GALNT6: variants seen among roughly 807,000 people sequenced by gnomAD.
GALNT6 encodes GalNAc transferase 6.
A neutral mutation model predicts 65.9 loss-of-function variants in GALNT6; 51 were observed. The ratio of observed to expected loss-of-function variants is 0.77; its 90% CI spans 0.62 to 0.98. GALNT6 has a LOEUF of 0.98. Among genes scored for constraint, GALNT6 ranks in the 50% least tolerant of loss-of-function variants. The probability of loss-of-function intolerance (pLI) is 0.00; values close to 1 mark genes in which losing one functional copy is unlikely to be tolerated. For missense variants in GALNT6, 708 were observed against 803.3 expected (o/e 0.88, Z 1.43); for synonymous variants, 323 against 315.1 (o/e 1.02, Z -0.26).
At chr12:51,363,708 A>C (rs577484730) in intron 6 of GALNT6, among the ~76,000 whole-genome samples, 3 of 152,152 alleles carry the variant, frequency 2.0e-5, no homozygotes, top group Non-Finnish European at 2.9e-5. Flanking sequence ...CTATTCCACA[A>C]TGGCCTCCAT....
intron 3 of GALNT6, 105 bp downstream of exon 3, chr12:51,379,186 T>C: frequency 8.6e-7 from 1 of 1,161,256 alleles, no homozygotes; most frequent in South Asian, 1.8e-5. Flanking sequence ...TATTATAAAA[T>C]TCCCTTCAAC....
intron 2 of GALNT6, among the ~76,000 whole-genome samples, chr12:51,381,143 A>T (rs1947657203): frequency 6.6e-6 from 1 of 152,146 alleles, no homozygotes; most frequent in African/African-American, 2.4e-5. Context: ...GGGAGGCTGA[A>T]GCAGGAGGAC....
rs959920588 is a variant in GALNT6, at chr12:51,365,399, G to T, written c.814+31C>A. On this transcript the variant is annotated intron_variant, in intron 5 of 11. Transcript: ENST00000356317. ...ATTCTAGCAGGGAGGGAGCCTCCAG[G>T]TTACACCCAGGCCGGTGCCCTGGTA... The T allele has an allele frequency of 2.1e-5, 33 of 1,588,718 alleles. No individual in the cohort carries two copies. The South Asian group carries it at 3.4e-4, about 16-fold the overall frequency.
intron 8 of GALNT6, 81 bp from the exon 9 acceptor site, chr12:51,358,342 C>T: frequency 1.3e-6 from 2 of 1,515,686 alleles, no homozygotes; most frequent in Non-Finnish European, 1.8e-6. Flanking sequence ...ACTCTGTTGC[C>T]CAGGCTGGAG....
At chr12:51,366,255 C>G (rs997734557) in intron 4 of GALNT6, among the ~76,000 whole-genome samples, 8 of 152,166 alleles carry the variant, frequency 5.3e-5, no homozygotes, top group Non-Finnish European at 8.8e-5. Context: ...CAGATGCCTC[C>G]CTCAGTTTCT....
At chr12:51,360,357 G>GTT in intron 7 of GALNT6, 5 of 156,486 alleles carry the variant, frequency 3.2e-5, no homozygotes, top group Admixed American at 6.6e-5. Context: ...TTACTCATCT[G>GTT]TTTTTTTTTT....
chr12:51,380,225 C>T (rs1052783155), intron 2 of GALNT6, among the ~76,000 whole-genome samples: 59 of 152,158 alleles, frequency 3.9e-4, no homozygotes, highest in Admixed American at 1.3e-3. Flanking sequence ...CCTGAGCCAG[C>T]AATTCCACTC....
rs1188887604 is a variant in GALNT6 at position 51,377,657 on chromosome 12, C to T, written c.492-290G>A. On this transcript the variant is annotated intron_variant, in intron 3 of 11. Transcript: ENST00000356317. ...AGGCTCCTCCACCCCCTTCCTTCAT[C>T]TGCTATCTGCTCTCAGGCTAGGAGT... Among the ~76,000 whole-genome samples, 4 of 152,318 alleles carry T rather than the reference C, an allele frequency of 2.6e-5. No homozygotes were observed. In the East Asian group the frequency reaches 7.7e-4, roughly 29 times the overall value.
intron 4 of GALNT6, among the ~76,000 whole-genome samples, chr12:51,374,856 C>T (rs1470294573): frequency 6.6e-6 from 1 of 152,212 alleles, no homozygotes; most frequent in South Asian, 2.1e-4. Flanking sequence ...TCCAAAGCTG[C>T]CATCCTTCTG....
At chr12:51,383,150 C>T (rs1347887222) in intron 2 of GALNT6, among the ~76,000 whole-genome samples, 4 of 152,066 alleles carry the variant, frequency 2.6e-5, no homozygotes, top group African/African-American at 4.8e-5. Context: ...AGGAAGGCTT[C>T]GGGGAGGAAA....
chr12:51,389,068 C>CAGCCCTGCACTTA (rs1351173275), intron 2 of GALNT6, among the ~76,000 whole-genome samples: 1 of 152,194 alleles, frequency 6.6e-6, no homozygotes, highest in Non-Finnish European at 1.5e-5. Flanking sequence ...GAGCTCGACA[C>CAGCCCTGCACTTA]AGAGACAGGC....
intron 5 of GALNT6, 25 bp downstream of exon 5, chr12:51,365,405 C>A (rs368887654): frequency 6.3e-7 from 1 of 1,595,064 alleles, no homozygotes. Context: ...CCAGGTTACA[C>A]CCAGGCCGGT....
rs1040967565 is a variant in GALNT6 at position 51,360,961 on chromosome 12, C to T, written c.1050-123G>A. The stretch of plus-strand genomic sequence containing the variant: ...CCCCCTCCTTTCCTCTTTCTCAGGA[C>T]GTGCAGCCCCTCATCCACTAACTCA... On this transcript the variant is annotated intron_variant, in intron 6 of 11. Coordinates refer to ENST00000356317, the MANE Select transcript of GALNT6 (RefSeq NM_007210.4). 42 of 629,518 alleles carry T rather than the reference C, an allele frequency of 6.7e-5. No homozygotes were observed. In the East Asian group the frequency reaches 7.7e-4, roughly 12 times the overall value. 39.0% of individuals were successfully genotyped at this position (629,518 alleles called of 1,614,324 possible). A position where few individuals can be genotyped will look rare whatever the true frequency, so the allele number is the denominator to read the frequency against.
chr12:51,356,353 C>CTT (rs58408607), intron 10 of GALNT6, among the ~76,000 whole-genome samples: 208 of 66,886 alleles, frequency 3.1e-3, no homozygotes, highest in Non-Finnish European at 3.7e-3. Context: ...TATATTTTCT[C>CTT]TTTTTTTTTT....
Position 51,387,530 on chromosome 12 carries a change from T to C in GALNT6, c.-104+3320A>G, listed in dbSNP as rs1487128056. On this transcript the variant is annotated intron_variant, in intron 2 of 11. Coordinates refer to ENST00000356317, the MANE Select transcript of GALNT6 (RefSeq NM_007210.4). The surrounding 1 kb of genome is among the most constrained non-coding windows in gnomAD (Gnocchi z 4.2). ...GTGGTAGGCACTTGGTTAATATTTG[T>C]TGACTTATTCCAAGAAAAAGTCACC... Among the ~76,000 whole-genome samples, 1 of 152,226 alleles carries C rather than the reference T, an allele frequency of 6.6e-6. No homozygotes were observed. Among genetic ancestry groups the C allele is most frequent in the African/African-American group, 2.4e-5 (1 of 41,448 alleles).
intron 4 of GALNT6, among the ~76,000 whole-genome samples, chr12:51,371,240 T>C (rs890209802): frequency 6.6e-6 from 1 of 152,000 alleles, no homozygotes; most frequent in African/African-American, 2.4e-5. Context: ...CCCACCACCA[T>C]GCCTGGCTAA....
At chr12:51,354,528 A>G (rs750766167) in intron 11 of GALNT6, 36 bp from the exon 12 acceptor site, 10 of 1,376,474 alleles carry the variant, frequency 7.3e-6, no homozygotes, top group Non-Finnish European at 1.0e-5. Context: ...AGTCTGGGCC[A>G]CAGACCTCTT....
chr12:51,365,385 G>A lies in GALNT6; in HGVS notation c.814+45C>T, dbSNP rs754390999. 1.9e-6 allele frequency: 3 copies of A among 1,560,138 alleles called. No homozygotes were observed. The South Asian group carries it at 3.5e-5, about 18-fold the overall frequency. ...TGTGGCCCTGGCTCATTCTAGCAGGGAGGGAGCCTCCAGGTTACACCCAGG... is the reference window on the plus strand; with the variant it reads ...TGTGGCCCTGGCTCATTCTAGCAGGAAGGGAGCCTCCAGGTTACACCCAGG... On this transcript the variant is annotated intron_variant, in intron 5 of 11. Coordinates refer to ENST00000356317, the MANE Select transcript of GALNT6 (RefSeq NM_007210.4).
chr12:51,368,853 C>T (rs970669900), intron 4 of GALNT6, among the ~76,000 whole-genome samples: 1 of 152,176 alleles, frequency 6.6e-6, no homozygotes, highest in Non-Finnish European at 1.5e-5. Flanking sequence ...TCTCTGGGGG[C>T]CAGGACCTCA....
Sources: allele counts gnomAD v4.1 joint callset (sites outside exome capture counted in the v4.1 genomes callset), GRCh38; gene constraint gnomAD v4.1.1; non-coding constraint Gnocchi (gnomAD v3.1); transcripts MANE v1.5; gene names NCBI Gene and HGNC (gene_info 2026-07-23, HGNC 2026-07-21).